Variants in STARD13 observed in about 807,000 individuals in gnomAD.
The protein encoded by STARD13 is StAR related lipid transfer domain containing 13.
A neutral mutation model predicts 106.4 loss-of-function variants in STARD13; 62 were observed. The observed-to-expected ratio is 0.58, with a 90% confidence interval of 0.48 to 0.72. STARD13 has a LOEUF of 0.72. STARD13 is among the 30% of genes least tolerant of loss of function. STARD13 has a pLI of 0.00. For missense variants in STARD13, 1,387 were observed against 1,424.0 expected, an observed-to-expected ratio of 0.97 and a Z score of 0.42; for synonymous variants, 565 against 553.0, an observed-to-expected ratio of 1.02 and a Z score of -0.31.
chr13:33,250,455 C>A (rs1403885879), intron 1 of STARD13, among the ~76,000 whole-genome samples: 1 of 152,278 alleles, frequency 6.6e-6, no homozygotes, highest in East Asian at 1.9e-4. Context: ...TCCCTTAAAA[C>A]AAGAAAGCCC....
chr13:33,387,073 A>G, the STARD13 span, among the ~76,000 whole-genome samples: 5 of 152,310 alleles, frequency 3.3e-5, no homozygotes, highest in East Asian at 5.8e-4. Context: ...TAGTGCAACT[A>G]TAGCTCACTG....
At chr13:33,359,230 A>G in the STARD13 span, among the ~76,000 whole-genome samples, 1 of 152,094 alleles carries the variant, frequency 6.6e-6, no homozygotes, top group Non-Finnish European at 1.5e-5. Context: ...GAGCTGTAAC[A>G]CTGCAAAGAT....
chr13:33,663,347 CA>C, the STARD13 span, among the ~76,000 whole-genome samples: 2 of 151,648 alleles, frequency 1.3e-5, no homozygotes, highest in Non-Finnish European at 2.9e-5. Flanking sequence ...TTATTATGGA[CA>C]AAAAATAATG....
the STARD13 span, among the ~76,000 whole-genome samples, chr13:33,388,193 C>T: frequency 6.6e-6 from 1 of 152,114 alleles, no homozygotes; most frequent in Non-Finnish European, 1.5e-5. Flanking sequence ...GTCCACCAAG[C>T]CCCAGACAAA....
Position 33,187,827 on chromosome 13 carries a change from C to G in STARD13, c.170-20205G>C, listed in dbSNP as rs183222305. ...CCTCTCAAGTAGCTGGGATTACAGA[C>G]CTGTGCCACCACACCCAGCTAATTT... is the stretch of plus-strand genomic sequence containing the variant. On this transcript the variant is annotated intron_variant, in intron 1 of 13. Coordinates refer to ENST00000336934, the MANE Select transcript of STARD13 (RefSeq NM_178006.4). Among the ~76,000 whole-genome samples, 424 of 152,150 alleles carry G rather than the reference C, an allele frequency of 2.8e-3. 14 individuals carry two copies. The highest frequency in any genetic ancestry group is 0.025 in the Admixed American group (387 of 15,276).
the STARD13 span, among the ~76,000 whole-genome samples, chr13:33,585,900 A>G: frequency 6.6e-6 from 1 of 152,164 alleles, no homozygotes; most frequent in African/African-American, 2.4e-5. Context: ...TTGTGTACAG[A>G]GAGAGGAGCA....
chr13:33,121,669 C>CTTTTTTTTT (rs398022242), intron 7 of STARD13, among the ~76,000 whole-genome samples: 2 of 110,478 alleles, frequency 1.8e-5, no homozygotes, highest in Non-Finnish European at 3.5e-5. Flanking sequence ...GTTGTTCATC[C>CTTTTTTTTT]TTTTTTTTTT....
chr13:33,435,928 TAC>T, the STARD13 span, among the ~76,000 whole-genome samples: 1 of 152,210 alleles, frequency 6.6e-6, no homozygotes, highest in African/African-American at 2.4e-5. Context: ...CTCCATATAG[TAC>T]ATGATTTTCT....
chr13:33,348,452 G>C (rs1832790384), downstream of STARD13, among the ~76,000 whole-genome samples: 1 of 152,168 alleles, frequency 6.6e-6, no homozygotes. Context: ...GAAAAAGACA[G>C]AGCTGCAGTC....
the STARD13 span, among the ~76,000 whole-genome samples, chr13:33,650,164 A>ATTTTTTTTTT: frequency 1.0e-4 from 5 of 48,374 alleles, no homozygotes; most frequent in Admixed American, 3.8e-4. Context: ...CGTGACTCCA[A>ATTTTTTTTTT]TTTTTTTTTT....
At chr13:33,556,119 T>C in the STARD13 span, among the ~76,000 whole-genome samples, 6 of 152,210 alleles carry the variant, frequency 3.9e-5, no homozygotes, top group Non-Finnish European at 8.8e-5. Context: ...GGACTTTTAA[T>C]ACGTTAGATT....
chr13:33,617,362 T>C, the STARD13 span, among the ~76,000 whole-genome samples: 1 of 152,170 alleles, frequency 6.6e-6, no homozygotes, highest in Non-Finnish European at 1.5e-5. Flanking sequence ...AGAGGTGATA[T>C]CTGAGACTAC....
the STARD13 span, among the ~76,000 whole-genome samples, chr13:33,640,439 A>T: frequency 6.6e-6 from 1 of 152,274 alleles, no homozygotes; most frequent in East Asian, 1.9e-4. Flanking sequence ...CAAGGACTGT[A>T]TTCTCTTCCC....
rs141594190 is a variant in STARD13, at chr13:33,174,052, C to T, written c.170-6430G>A. 5.6e-4 allele frequency among the ~76,000 whole-genome samples: 85 copies of T among 152,272 alleles called. 1 individual carries two copies. The highest frequency in any genetic ancestry group is 2.0e-3 in the African/African-American group (83 of 41,554). On this transcript the variant is annotated intron_variant, in intron 1 of 13. Coordinates refer to ENST00000336934, the MANE Select transcript of STARD13 (RefSeq NM_178006.4). ...AAGCTGGATTCATAGCAAATCTAGT[C>T]ACTTAATTCCTATTAGAGTAAAAGA...
the STARD13 span, among the ~76,000 whole-genome samples, chr13:33,533,562 C>T: frequency 6.7e-6 from 1 of 149,048 alleles, no homozygotes; most frequent in Admixed American, 6.7e-5. Context: ...AAACAAAGCT[C>T]TTTTTTTTTT....
chr13:33,431,094 A>T, the STARD13 span, among the ~76,000 whole-genome samples: 1 of 152,222 alleles, frequency 6.6e-6, no homozygotes, highest in East Asian at 1.9e-4. Flanking sequence ...TAGAGACAAG[A>T]CACATAATTA....
At chr13:33,505,882 C>T in the STARD13 span, among the ~76,000 whole-genome samples, 4 of 152,072 alleles carry the variant, frequency 2.6e-5, no homozygotes, top group African/African-American at 9.7e-5. Context: ...ATCTCTGAGA[C>T]CCTTCCTGGG....
intron 1 of STARD13, among the ~76,000 whole-genome samples, chr13:33,291,761 T>A (rs1293616350): frequency 6.6e-6 from 1 of 152,220 alleles, no homozygotes; most frequent in Non-Finnish European, 1.5e-5. Context: ...TCTCGTGCTA[T>A]TTGTTATATA....
At chr13:33,607,849 T>A in the STARD13 span, among the ~76,000 whole-genome samples, 1 of 152,220 alleles carries the variant, frequency 6.6e-6, no homozygotes, top group Non-Finnish European at 1.5e-5. Context: ...ACACAATTTA[T>A]GTTAATAATA....
Sources: allele counts gnomAD v4.1 joint callset (sites outside exome capture counted in the v4.1 genomes callset), GRCh38; gene constraint gnomAD v4.1.1; transcripts MANE v1.5; gene names NCBI Gene and HGNC (gene_info 2026-07-23, HGNC 2026-07-21).